TNIK: variants seen among roughly 807,000 people sequenced by gnomAD.
TNIK encodes the protein TRAF2 and NCK-interacting protein kinase.
A neutral mutation model predicts 191.3 loss-of-function variants in TNIK; 49 were observed. That is an observed-to-expected ratio of 0.26 (90% CI 0.20 to 0.32). TNIK has a LOEUF of 0.32. Among genes scored for constraint, TNIK ranks in the 10% least tolerant of loss-of-function variants. TNIK has a pLI of 1.00. For synonymous variants in TNIK, 594 were observed against 600.9 expected (o/e 0.99, Z 0.17); for missense variants, 1,155 against 1,702.3 (o/e 0.68, Z 5.66).
intron 2 of TNIK, among the ~76,000 whole-genome samples, chr3:171,297,023 C>G (rs1560390588): frequency 6.6e-6 from 1 of 152,028 alleles, no homozygotes; most frequent in Non-Finnish European, 1.5e-5. Context: ...ATCAAATTCC[C>G]TGATGTGCAG....
intron 1 of TNIK, among the ~76,000 whole-genome samples, chr3:171,416,935 TTTC>T (rs1405592712): frequency 6.6e-6 from 1 of 152,230 alleles, no homozygotes; most frequent in Non-Finnish European, 1.5e-5. Flanking sequence ...AATCTTTGCA[TTTC>T]TAAGAAGCAA....
At chr3:171,331,173 C>G (rs1476009419) in intron 2 of TNIK, among the ~76,000 whole-genome samples, 1 of 152,206 alleles carries the variant, frequency 6.6e-6, no homozygotes, top group Admixed American at 6.5e-5. Flanking sequence ...GGTGAACCAG[C>G]TCCTTTCATT....
chr3:171,349,990 C>T (rs1259314159), intron 2 of TNIK, among the ~76,000 whole-genome samples: 1 of 152,196 alleles, frequency 6.6e-6, no homozygotes, highest in Non-Finnish European at 1.5e-5. Flanking sequence ...AGAAGATGGG[C>T]TACCCAAAGG....
In TNIK at chr3:171,125,910, A is replaced by T; in HGVS notation, c.2013+2T>A. On this transcript the variant is annotated splice_donor_variant, in intron 17 of 32. Transcript: ENST00000436636. LOFTEE classifies it high-confidence loss of function. ...TAAAAAAAACACCCCAGTAAATATTACCTTTGGTGGAATGTCTTCTTCCTG... is the reference window on the plus strand; with the variant it reads ...TAAAAAAAACACCCCAGTAAATATTTCCTTTGGTGGAATGTCTTCTTCCTG... 1 of 1,613,772 alleles carries T rather than the reference A, an allele frequency of 6.2e-7. No individual in the cohort carries two copies. The highest frequency in any genetic ancestry group is 1.3e-5 in the African/African-American group (1 of 75,000).
At chr3:171,281,622 T>A (rs1356056438) in intron 2 of TNIK, among the ~76,000 whole-genome samples, 1 of 152,184 alleles carries the variant, frequency 6.6e-6, no homozygotes, top group Non-Finnish European at 1.5e-5. Flanking sequence ...CTTTAAGTAT[T>A]ATTTATATTT....
At chr3:171,268,927 C>T (rs981969508) in intron 2 of TNIK, among the ~76,000 whole-genome samples, 1 of 152,112 alleles carries the variant, frequency 6.6e-6, no homozygotes, top group African/African-American at 2.4e-5. Context: ...GGCTCTGTCA[C>T]AAGAATTTAT....
chr3:171,161,932 T>A (rs765584511), intron 10 of TNIK, among the ~76,000 whole-genome samples: 3 of 151,802 alleles, frequency 2.0e-5, no homozygotes, highest in Non-Finnish European at 2.9e-5. Flanking sequence ...AATAATAATA[T>A]AATAATAATA....
chr3:171,314,369 T>A (rs1171524866), intron 2 of TNIK, among the ~76,000 whole-genome samples: 1 of 152,170 alleles, frequency 6.6e-6, no homozygotes, highest in Admixed American at 6.5e-5. Context: ...GAGGACAGCC[T>A]TGAAAATATG....
At position 171,060,553 on chromosome 3, in the gene TNIK, T is replaced by C. The variant is rs16855724; in HGVS notation, c.*3328A>G. Reference sequence around the variant, plus strand: ...TTAATAAAAATAATAGTTCTAGGTCTTCTTGAAGGATTGTTTAGAAGTCTC... The same window carrying C: ...TTAATAAAAATAATAGTTCTAGGTCCTCTTGAAGGATTGTTTAGAAGTCTC... On this transcript the variant is annotated 3_prime_UTR_variant, in exon 33 of 33. Coordinates refer to ENST00000436636, the MANE Select transcript of TNIK (RefSeq NM_015028.4). 0.097 allele frequency among the ~76,000 whole-genome samples: 14,841 copies of C among 152,264 alleles called. 814 individuals are homozygous for C. The highest frequency in any genetic ancestry group is 0.13 in the Middle Eastern group (39 of 294).
At chr3:171,412,489 T>A (rs1343725198) in intron 1 of TNIK, among the ~76,000 whole-genome samples, 2 of 152,236 alleles carry the variant, frequency 1.3e-5, no homozygotes, top group Admixed American at 6.5e-5. Flanking sequence ...GCAATCATTT[T>A]TAAAAATCAT....
At chr3:171,280,387 G>A (rs1012216416) in intron 2 of TNIK, among the ~76,000 whole-genome samples, 4 of 152,160 alleles carry the variant, frequency 2.6e-5, no homozygotes, top group Non-Finnish European at 4.4e-5. Flanking sequence ...CCACTTACAA[G>A]TTATGTGTCT....
chr3:171,080,600 A>G (rs1295097145), intron 27 of TNIK, among the ~76,000 whole-genome samples: 1 of 151,918 alleles, frequency 6.6e-6, no homozygotes, highest in Non-Finnish European at 1.5e-5. Flanking sequence ...CAGCATGCTC[A>G]GCTAATTTTT....
At chr3:171,108,346 T>C (rs1725295602) in intron 19 of TNIK, among the ~76,000 whole-genome samples, 184 bp from the exon 20 acceptor site, 1 of 152,158 alleles carries the variant, frequency 6.6e-6, no homozygotes, top group Non-Finnish European at 1.5e-5. Context: ...ACATTTAGGC[T>C]TGTGACCTGG....
chr3:171,087,810 C>G (rs975586072), intron 23 of TNIK, among the ~76,000 whole-genome samples: 1 of 152,174 alleles, frequency 6.6e-6, no homozygotes, highest in East Asian at 1.9e-4. Context: ...CTGAGCAGGG[C>G]CCACACTTGT....
intron 1 of TNIK, among the ~76,000 whole-genome samples, chr3:171,426,783 C>T (rs769881136): frequency 4.7e-4 from 71 of 152,044 alleles, no homozygotes; most frequent in Non-Finnish European, 8.7e-4. Context: ...GCCACAGTCT[C>T]CTGAAGTCCA....
At chr3:171,190,999 G>A (rs970585252) in intron 5 of TNIK, among the ~76,000 whole-genome samples, 8 of 152,226 alleles carry the variant, frequency 5.3e-5, no homozygotes, top group African/African-American at 1.4e-4. Context: ...TGCAATGCAT[G>A]GTGCTGTGTT....
At chr3:171,192,556 T>C (rs1413317069) in intron 5 of TNIK, among the ~76,000 whole-genome samples, 2 of 152,226 alleles carry the variant, frequency 1.3e-5, no homozygotes, top group Non-Finnish European at 2.9e-5. Flanking sequence ...TGAGAGATGC[T>C]CATGTGATGA....
chr3:171,351,620 T>C (rs550285018), intron 2 of TNIK, among the ~76,000 whole-genome samples: 2 of 152,302 alleles, frequency 1.3e-5, no homozygotes, highest in East Asian at 3.9e-4. Flanking sequence ...GGGCTATCAT[T>C]GCATTTGTAA....
At chr3:171,066,037 T>C in intron 32 of TNIK, 150 bp downstream of exon 32, 4 of 1,066,990 alleles carry the variant, frequency 3.7e-6, no homozygotes, top group Non-Finnish European at 5.3e-6. Flanking sequence ...AGTGCTCACA[T>C]GGATCAAACC....
Sources: gnomAD v4.1 joint callset for allele counts (sites outside exome capture counted in the v4.1 genomes callset) on GRCh38, gnomAD v4.1.1 for gene constraint, MANE v1.5 for transcripts, NCBI Gene and HGNC (gene_info 2026-07-23, HGNC 2026-07-21) for gene names.